Variants in CNBD1 observed in about 807,000 individuals in gnomAD.
CNBD1 encodes cyclic nucleotide-binding domain-containing protein 1.
In CNBD1, 71 loss-of-function variants were observed where a neutral mutation model predicts 54.4. That is an observed-to-expected ratio of 1.30 (90% CI 1.08 to 1.59). The LOEUF is 1.59. Among genes scored for constraint, CNBD1 ranks in the 40% most tolerant of loss-of-function variants. CNBD1 has a pLI of 0.00. For synonymous variants in CNBD1, 182 were observed against 170.7 expected, an observed-to-expected ratio of 1.07 and a Z score of -0.51; for missense variants, 659 against 518.0, an observed-to-expected ratio of 1.27 and a Z score of -2.64.
chr8:86,913,663 A>G (rs1809139009), intron 3 of CNBD1, among the ~76,000 whole-genome samples: 1 of 152,158 alleles, frequency 6.6e-6, no homozygotes, highest in South Asian at 2.1e-4. Context: ...AAGGGCAACA[A>G]AAGATCACAA....
chr8:87,224,392 T>C (rs1370393811), intron 5 of CNBD1, among the ~76,000 whole-genome samples: 2 of 151,802 alleles, frequency 1.3e-5, no homozygotes, highest in African/African-American at 4.9e-5. Flanking sequence ...TGTTTAAGTC[T>C]TTAATCCATC....
chr8:87,031,330 G>A (rs1053008261), intron 4 of CNBD1, among the ~76,000 whole-genome samples: 1 of 151,990 alleles, frequency 6.6e-6, no homozygotes, highest in African/African-American at 2.4e-5. Flanking sequence ...TAACTCGTGT[G>A]TGCAACATTG....
chr8:87,007,593 C>T (rs1184747683), intron 4 of CNBD1, among the ~76,000 whole-genome samples: 1 of 152,048 alleles, frequency 6.6e-6, no homozygotes, highest in African/African-American at 2.4e-5. Context: ...GGTATTTCAT[C>T]ACCTGAATAA....
chr8:86,990,768 AG>A (rs1808727105), intron 4 of CNBD1, among the ~76,000 whole-genome samples: 1 of 152,170 alleles, frequency 6.6e-6, no homozygotes, highest in Admixed American at 6.6e-5. Flanking sequence ...TTGAATCTAT[AG>A]ATTGCTTTAG....
chr8:86,966,903 C>A (rs543513222), intron 4 of CNBD1, among the ~76,000 whole-genome samples: 1 of 152,146 alleles, frequency 6.6e-6, no homozygotes, highest in Non-Finnish European at 1.5e-5. Context: ...TTTGGCCCCA[C>A]GCACATCTTG....
chr8:87,279,566 T>TAC (rs1808552028), intron 6 of CNBD1, among the ~76,000 whole-genome samples: 1 of 151,332 alleles, frequency 6.6e-6, no homozygotes, highest in Non-Finnish European at 1.5e-5. Context: ...AAGGCCAAAG[T>TAC]AGCTGTACTA....
intron 10 of CNBD1, among the ~76,000 whole-genome samples, chr8:87,357,877 G>A (rs960249006): frequency 2.0e-5 from 3 of 152,140 alleles, no homozygotes; most frequent in African/African-American, 7.2e-5. Flanking sequence ...GGTGAGGGGT[G>A]TTTGTGTTAT....
At chr8:87,115,828 C>T (rs1390364516) in intron 4 of CNBD1, among the ~76,000 whole-genome samples, 3 of 152,198 alleles carry the variant, frequency 2.0e-5, no homozygotes, top group Non-Finnish European at 4.4e-5. Context: ...TACCTCTTCC[C>T]AAGTCTCCAT....
intron 3 of CNBD1, among the ~76,000 whole-genome samples, chr8:86,929,559 G>A (rs757090184): frequency 6.6e-6 from 1 of 152,204 alleles, no homozygotes; most frequent in Non-Finnish European, 1.5e-5. Context: ...GGCAGCATAA[G>A]TCTGGGCAAC....
chr8:87,324,333 G>T lies in CNBD1; in HGVS notation c.1043-27352G>T, dbSNP rs1004998808. ...CTGGCCTCATAAAATGAGTTAGGGA[G>T]GATTCCCTCTTTTTCTATTGATTGG... On this transcript the variant is annotated intron_variant, in intron 8 of 10. Coordinates refer to ENST00000518476, the MANE Select transcript of CNBD1 (RefSeq NM_173538.3). 1.6e-5 allele frequency among the ~76,000 whole-genome samples: 2 copies of T among 126,498 alleles called. 1 individual carries two copies. Among genetic ancestry groups the T allele is most frequent in the African/African-American group, 5.8e-5 (2 of 34,256 alleles). The allele number at this position is 126,498 out of a possible 152,430, so 83.0% of individuals were successfully genotyped here.
chr8:87,342,758 G>A (rs1389462744), intron 8 of CNBD1, among the ~76,000 whole-genome samples: 1 of 152,128 alleles, frequency 6.6e-6, no homozygotes, highest in Non-Finnish European at 1.5e-5. Context: ...ACAGGGAGTA[G>A]GTCACAAGGA....
Position 87,032,360 on chromosome 8 carries a change from T to C in CNBD1, c.431+92606T>C, listed in dbSNP as rs1809813889. 1.3e-5 allele frequency among the ~76,000 whole-genome samples: 2 copies of C among 152,170 alleles called. 1 individual carries two copies. Among genetic ancestry groups the C allele is most frequent in the Admixed American group, 1.3e-4 (2 of 15,280 alleles). Reference sequence around the variant, plus strand: ...TAATTATATAAACAGTCAACAAACATATTTTTATGTTACATGTGTTATATT... The same window carrying C: ...TAATTATATAAACAGTCAACAAACACATTTTTATGTTACATGTGTTATATT... On this transcript the variant is annotated intron_variant, in intron 4 of 10. Coordinates refer to ENST00000518476, the MANE Select transcript of CNBD1 (RefSeq NM_173538.3).
intron 8 of CNBD1, among the ~76,000 whole-genome samples, chr8:87,312,924 T>C (rs1235981197): frequency 2.6e-5 from 4 of 152,052 alleles, no homozygotes; most frequent in East Asian, 1.9e-4. Flanking sequence ...CCCAGAAAAG[T>C]TGGGCATTTA....
chr8:86,918,755 T>C (rs1809225691), intron 3 of CNBD1, among the ~76,000 whole-genome samples: 1 of 151,544 alleles, frequency 6.6e-6, no homozygotes, highest in Admixed American at 6.6e-5. Context: ...GGTATGTCTT[T>C]ATCTGCAGTG....
At chr8:86,920,858 T>C (rs1203233968) in intron 3 of CNBD1, among the ~76,000 whole-genome samples, 1 of 150,728 alleles carries the variant, frequency 6.6e-6, no homozygotes, top group Non-Finnish European at 1.5e-5. Flanking sequence ...GTTAAAATGA[T>C]GAAGGGCTTC....
At chr8:87,062,305 T>C (rs985879235) in intron 4 of CNBD1, among the ~76,000 whole-genome samples, 1 of 152,190 alleles carries the variant, frequency 6.6e-6, no homozygotes, top group African/African-American at 2.4e-5. Context: ...TGCCTGAGTG[T>C]GTATGTGAGT....
At chr8:86,963,634 C>G (rs1289527575) in intron 4 of CNBD1, among the ~76,000 whole-genome samples, 2 of 152,258 alleles carry the variant, frequency 1.3e-5, no homozygotes, top group East Asian at 3.9e-4. Flanking sequence ...GGGACCTGGC[C>G]TACGAAGGTG....
chr8:87,265,788 TGA>T (rs1808243805), intron 6 of CNBD1, among the ~76,000 whole-genome samples: 4 of 152,238 alleles, frequency 2.6e-5, no homozygotes, highest in African/African-American at 9.6e-5. Flanking sequence ...TCTGCAAAAC[TGA>T]AAATATGTAC....
intron 4 of CNBD1, among the ~76,000 whole-genome samples, chr8:86,971,225 A>G: frequency 6.6e-6 from 1 of 152,156 alleles, no homozygotes; most frequent in East Asian, 1.9e-4. Context: ...GGCAAAGGGG[A>G]AGGAAGGCAC....
Sources: allele counts gnomAD v4.1 joint callset (sites outside exome capture counted in the v4.1 genomes callset), GRCh38; gene constraint gnomAD v4.1.1; transcripts MANE v1.5; gene names NCBI Gene and HGNC (gene_info 2026-07-23, HGNC 2026-07-21).